Variants in ZRANB3 observed in about 807,000 individuals in gnomAD.
The protein encoded by ZRANB3 is DNA annealing helicase and endonuclease ZRANB3.
In ZRANB3, 125 loss-of-function variants were observed where a neutral mutation model predicts 133.8. The ratio of observed to expected loss-of-function variants is 0.93; its 90% CI spans 0.81 to 1.08. ZRANB3 has a LOEUF of 1.08. Among genes scored for constraint, ZRANB3 ranks in the 50% least tolerant of loss-of-function variants. The pLI is 0.00. For synonymous variants in ZRANB3, 387 were observed against 432.7 expected, an observed-to-expected ratio of 0.89 and a Z score of 1.31; for missense variants, 1,229 against 1,275.5, an observed-to-expected ratio of 0.96 and a Z score of 0.56.
intron 6 of ZRANB3, among the ~76,000 whole-genome samples, chr2:135,324,731 T>C (rs553814269): frequency 6.6e-6 from 1 of 152,290 alleles, no homozygotes; most frequent in East Asian, 1.9e-4. Flanking sequence ...CTCCACATCC[T>C]CTCCAGCACC....
At chr2:135,387,947 G>A (rs1211114864) in intron 3 of ZRANB3, among the ~76,000 whole-genome samples, 3 of 152,190 alleles carry the variant, frequency 2.0e-5, no homozygotes, top group Non-Finnish European at 4.4e-5. Flanking sequence ...GTTAACTGAG[G>A]ATAAGGGTGT....
In ZRANB3 at chr2:135,200,376, C is replaced by T. The variant is rs910630210; in HGVS notation, c.3206G>A (p.Gly1069Glu). Residue 1069 changes from glycine to glutamate, a missense_variant, in exon 21 of 21, where the codon GGA becomes GAA. Transcript: ENST00000264159. The part of the protein sequence containing the change: ...VRRQSLASKH[G>E]SDITRFLVKK ...TACCAAAAATCGTGTGATGTCTGAT[C>T]CATGCTTTGATGCTAGAGATTGTCT... 10 of 1,606,136 alleles carry T rather than the reference C, an allele frequency of 6.2e-6. No homozygotes were observed. The highest frequency in any genetic ancestry group is 4.5e-5 in the South Asian group (4 of 89,314).
Position 135,294,315 on chromosome 2 carries a change from T to C in ZRANB3, c.967-18560A>G, listed in dbSNP as rs544858862. ...TCAGGGATTCAACTTCTTCCTGGTTTAGTCTTGGGAGGGTGTATGTGTTGA... is the reference window on the plus strand; with the variant it reads ...TCAGGGATTCAACTTCTTCCTGGTTCAGTCTTGGGAGGGTGTATGTGTTGA... On this transcript the variant is annotated intron_variant, in intron 8 of 20. Transcript: ENST00000264159. Among the ~76,000 whole-genome samples the C allele has an allele frequency of 1.8e-4, 27 of 152,336 alleles. 1 individual carries two copies. The South Asian group carries it at 5.4e-3, about 30-fold the overall frequency.
At chr2:135,255,621 A>G (rs927004932) in intron 12 of ZRANB3, among the ~76,000 whole-genome samples, 1 of 152,148 alleles carries the variant, frequency 6.6e-6, no homozygotes, top group Non-Finnish European at 1.5e-5. Flanking sequence ...GGTTGAGGCA[A>G]GAGGACTGCT....
intron 2 of ZRANB3, among the ~76,000 whole-genome samples, chr2:135,473,504 G>T (rs1267560431): frequency 6.6e-6 from 1 of 151,494 alleles, no homozygotes; most frequent in African/African-American, 2.4e-5. Context: ...AAGGACTCAG[G>T]TAATGTACAT....
intron 1 of ZRANB3, among the ~76,000 whole-genome samples, chr2:135,514,504 A>T (rs55795012): frequency 0.23 from 35,600 of 152,102 alleles, 6,408 homozygotes; most frequent in African/African-American, 0.49. Context: ...ATCCTGAGAC[A>T]CTGCTGAAGT....
At chr2:135,493,055 G>C (rs549620017) in intron 2 of ZRANB3, among the ~76,000 whole-genome samples, 2 of 130,610 alleles carry the variant, frequency 1.5e-5, no homozygotes, top group Non-Finnish European at 1.6e-5. Flanking sequence ...ACAGAACCTA[G>C]AACTCCTACC....
At chr2:135,495,095 G>A (rs1237827304) in intron 2 of ZRANB3, among the ~76,000 whole-genome samples, 1 of 152,106 alleles carries the variant, frequency 6.6e-6, no homozygotes, top group Non-Finnish European at 1.5e-5. Context: ...GGGCACAGTG[G>A]TGTGCACCTG....
intron 2 of ZRANB3, among the ~76,000 whole-genome samples, chr2:135,494,265 G>C (rs1391671046): frequency 7.1e-6 from 1 of 140,010 alleles, no homozygotes; most frequent in Non-Finnish European, 1.5e-5. Context: ...CTGAGATCGC[G>C]CCACTGCACT....
At chr2:135,461,128 T>C (rs1240440898) in intron 2 of ZRANB3, among the ~76,000 whole-genome samples, 2 of 152,160 alleles carry the variant, frequency 1.3e-5, no homozygotes, top group African/African-American at 4.8e-5. Flanking sequence ...ATATTCCCCT[T>C]CCGGGTGGGT....
chr2:135,359,073 C>T (rs964378375), intron 3 of ZRANB3, among the ~76,000 whole-genome samples: 1 of 152,004 alleles, frequency 6.6e-6, no homozygotes, highest in African/African-American at 2.4e-5. Context: ...TTCATACCCT[C>T]TTCATGTCTG....
intron 2 of ZRANB3, among the ~76,000 whole-genome samples, chr2:135,431,205 TCA>T (rs1184588198): frequency 6.6e-6 from 1 of 151,458 alleles, no homozygotes; most frequent in Non-Finnish European, 1.5e-5. Flanking sequence ...AGTGGGAGGA[TCA>T]CTTGAGCTCA....
intron 9 of ZRANB3, among the ~76,000 whole-genome samples, chr2:135,275,293 G>A (rs892426443): frequency 9.3e-5 from 12 of 129,336 alleles, no homozygotes; most frequent in Admixed American, 3.7e-4. Flanking sequence ...CTGGCCGGGC[G>A]GGGGCTGCCC....
At chr2:135,382,296 A>C (rs1358300329) in intron 3 of ZRANB3, among the ~76,000 whole-genome samples, 1 of 152,194 alleles carries the variant, frequency 6.6e-6, no homozygotes, top group East Asian at 1.9e-4. Flanking sequence ...TTAGAGAAAA[A>C]AGAATAAAAA....
chr2:135,422,406 G>A (rs1688900165), intron 2 of ZRANB3, among the ~76,000 whole-genome samples: 1 of 148,246 alleles, frequency 6.7e-6, no homozygotes, highest in Non-Finnish European at 1.5e-5. Context: ...ATTTGCTACA[G>A]TTGTTCATTG....
chr2:135,267,274 A>G lies in ZRANB3; in HGVS notation c.1387-1588T>C, dbSNP rs113830265. Among the ~76,000 whole-genome samples, 62 of 152,184 alleles carry G rather than the reference A, an allele frequency of 4.1e-4. 1 individual carries two copies. The highest frequency in any genetic ancestry group is 1.4e-3 in the African/African-American group (57 of 41,514). On this transcript the variant is annotated intron_variant, in intron 11 of 20. Transcript: ENST00000264159. ...GCTTCTTGCTGGTGGGTACCTGCGG[A>G]GTTCTGAGACAGCACAGGTCATCTC...
intron 1 of ZRANB3, chr2:135,510,652 C>T: frequency 1.3e-6 from 1 of 788,210 alleles, no homozygotes; most frequent in Non-Finnish European, 2.3e-6. Flanking sequence ...TAGAGGGCCT[C>T]CAGGTCCCCT....
chr2:135,339,592 C>T (rs1684537225), intron 6 of ZRANB3, among the ~76,000 whole-genome samples: 1 of 152,062 alleles, frequency 6.6e-6, no homozygotes. Context: ...AAAAAAAACC[C>T]AAAACAGATG....
At chr2:135,387,226 AAC>A (rs1687024608) in intron 3 of ZRANB3, among the ~76,000 whole-genome samples, 1 of 152,142 alleles carries the variant, frequency 6.6e-6, no homozygotes, top group South Asian at 2.1e-4. Flanking sequence ...TTGATGAGTC[AAC>A]AGTCATCACA....
Sources: allele counts gnomAD v4.1 joint callset (sites outside exome capture counted in the v4.1 genomes callset), GRCh38; gene constraint gnomAD v4.1.1; transcripts MANE v1.5; gene names NCBI Gene and HGNC (gene_info 2026-07-23, HGNC 2026-07-21).